The following SH3GL2 variants were observed in gnomAD, a reference collection of about 807,000 sequenced individuals.
SH3GL2 encodes endophilin-A1.
In SH3GL2, 24 loss-of-function variants were observed where a neutral mutation model predicts 46.0. That is an observed-to-expected ratio of 0.52 (90% CI 0.38 to 0.73). The LOEUF (loss-of-function observed/expected upper bound fraction) is 0.73. Among genes scored for constraint, SH3GL2 ranks in the 30% least tolerant of loss-of-function variants. The pLI is 0.00. For synonymous variants in SH3GL2, 196 were observed against 147.1 expected, an observed-to-expected ratio of 1.33 and a Z score of -2.40; for missense variants, 413 against 424.2, an observed-to-expected ratio of 0.97 and a Z score of 0.23.
At chr9:17,638,277 C>T (rs1003641329) in intron 1 of SH3GL2, among the ~76,000 whole-genome samples, 2 of 152,184 alleles carry the variant, frequency 1.3e-5, no homozygotes, top group Non-Finnish European at 2.9e-5. Context: ...TCAAAAAAGT[C>T]CTATTTCGTT....
intron 1 of SH3GL2, among the ~76,000 whole-genome samples, chr9:17,591,827 T>C (rs1375690805): frequency 6.6e-6 from 1 of 152,206 alleles, no homozygotes; most frequent in Non-Finnish European, 1.5e-5. Flanking sequence ...CAGGTGAACG[T>C]AGGCATTTTC....
chr9:17,717,846 C>T (rs1435258842), intron 1 of SH3GL2, among the ~76,000 whole-genome samples: 1 of 152,076 alleles, frequency 6.6e-6, no homozygotes, highest in East Asian at 1.9e-4. Flanking sequence ...GCAGCTGCTC[C>T]ATACCCATTA....
chr9:17,628,633 C>A (rs972604484), intron 1 of SH3GL2, among the ~76,000 whole-genome samples: 4 of 151,728 alleles, frequency 2.6e-5, no homozygotes, highest in Admixed American at 2.6e-4. Context: ...GCTTTTTTTT[C>A]TTCTTTTTAA....
chr9:17,611,028 C>T (rs1426550566), intron 1 of SH3GL2, among the ~76,000 whole-genome samples: 1 of 152,128 alleles, frequency 6.6e-6, no homozygotes, highest in African/African-American at 2.4e-5. Flanking sequence ...TGACAATTAA[C>T]TGGATTTTTC....
intron 1 of SH3GL2, among the ~76,000 whole-genome samples, chr9:17,725,290 C>T (rs1402950954): frequency 6.6e-6 from 1 of 152,064 alleles, no homozygotes; most frequent in East Asian, 1.9e-4. Flanking sequence ...GGTGTGCATT[C>T]CAGGGCATGT....
At chr9:17,722,935 C>G (rs775291107) in intron 1 of SH3GL2, among the ~76,000 whole-genome samples, 8 of 152,120 alleles carry the variant, frequency 5.3e-5, no homozygotes, top group African/African-American at 1.9e-4. Flanking sequence ...CACTGCTGAT[C>G]CTTTCTCTCA....
rs984720835 is a variant in SH3GL2, at chr9:17,701,260, A to G, written c.46-45806A>G. Among the ~76,000 whole-genome samples the G allele has an allele frequency of 3.9e-5, 6 of 152,306 alleles. No homozygotes were observed. The East Asian group carries it at 1.2e-3, about 29-fold the overall frequency. Reference sequence around the variant, plus strand: ...AGTTGAAAATCTCTTGCTACAAAATACTTAGAAATGATGGATAAAACAAAA... The same window carrying G: ...AGTTGAAAATCTCTTGCTACAAAATGCTTAGAAATGATGGATAAAACAAAA... On this transcript the variant is annotated intron_variant, in intron 1 of 8. Coordinates refer to ENST00000380607, the MANE Select transcript of SH3GL2 (RefSeq NM_003026.5).
rs139561767 is a variant in SH3GL2, at chr9:17,793,474, A to T, written c.836A>T (p.His279Leu). Residue 279 changes from histidine to leucine, a missense_variant, in exon 8 of 9, where the codon CAC (histidine) becomes CTC (leucine). Transcript: ENST00000380607. Reference protein sequence around the residue: ...DSTQPNGGLSHTGTPKPSGVQ... With the variant: ...DSTQPNGGLSLTGTPKPSGVQ... ...ACTCAGCCCAATGGGGGTCTCTCCC[A>T]CACAGGCACTCCCAAACCTTCAGGT... is the stretch of plus-strand genomic sequence containing the variant. The T allele has an allele frequency of 1.5e-5, 24 of 1,613,070 alleles. No individual in the cohort carries two copies. The highest frequency in any genetic ancestry group is 1.1e-4 in the African/African-American group (8 of 74,866).
chr9:17,775,537 T>A (rs1369169697), intron 3 of SH3GL2, among the ~76,000 whole-genome samples: 1 of 152,172 alleles, frequency 6.6e-6, no homozygotes, highest in Admixed American at 6.5e-5. Flanking sequence ...TGGTCTTCAG[T>A]TTTTCAGGTA....
At chr9:17,586,078 C>T (rs1818372805) in intron 1 of SH3GL2, among the ~76,000 whole-genome samples, 1 of 152,118 alleles carries the variant, frequency 6.6e-6, no homozygotes, top group Non-Finnish European at 1.5e-5. Context: ...TGCATTCTAC[C>T]AACAAAATAT....
intron 1 of SH3GL2, among the ~76,000 whole-genome samples, chr9:17,724,680 C>T (rs574310922): frequency 6.6e-6 from 1 of 152,142 alleles, no homozygotes; most frequent in African/African-American, 2.4e-5. Context: ...TATTGATCCT[C>T]TCCCTCTTCT....
intron 1 of SH3GL2, among the ~76,000 whole-genome samples, chr9:17,621,967 A>C (rs1555422): frequency 0.21 from 32,422 of 152,060 alleles, 3,897 homozygotes; most frequent in South Asian, 0.31. Flanking sequence ...TCCACAGTGA[A>C]TGTTCCTAGT....
chr9:17,770,325 C>T (rs1302660894), intron 3 of SH3GL2, among the ~76,000 whole-genome samples: 2 of 152,146 alleles, frequency 1.3e-5, no homozygotes, highest in East Asian at 1.9e-4. Context: ...CCGAACTATA[C>T]AACAGAACAG....
chr9:17,626,201 A>G (rs548967081), intron 1 of SH3GL2, among the ~76,000 whole-genome samples: 1 of 152,234 alleles, frequency 6.6e-6, no homozygotes, highest in East Asian at 1.9e-4. Context: ...TCTGACCTCC[A>G]CCTGGCACCT....
chr9:17,694,278 G>A (rs527644240), intron 1 of SH3GL2, among the ~76,000 whole-genome samples: 42 of 152,012 alleles, frequency 2.8e-4, no homozygotes, highest in Non-Finnish European at 5.6e-4. Context: ...AAGGTGAACC[G>A]GAAGCAAGCA....
At chr9:17,611,412 G>T (rs924285423) in intron 1 of SH3GL2, among the ~76,000 whole-genome samples, 3 of 151,924 alleles carry the variant, frequency 2.0e-5, no homozygotes, top group African/African-American at 7.3e-5. Flanking sequence ...ACTTATCCTT[G>T]GGGCATTACA....
At chr9:17,644,131 A>G (rs1188546452) in intron 1 of SH3GL2, among the ~76,000 whole-genome samples, 1 of 152,060 alleles carries the variant, frequency 6.6e-6, no homozygotes, top group Non-Finnish European at 1.5e-5. Context: ...AGAGATGTTT[A>G]TAGTATTCTC....
At chr9:17,747,026 A>G in intron 1 of SH3GL2, 40 bp from the exon 2 acceptor site, 1 of 1,348,524 alleles carries the variant, frequency 7.4e-7, no homozygotes, top group Non-Finnish European at 1.0e-6. Context: ...TTTTAAAGAA[A>G]CTGTTTATAA....
At chr9:17,776,737 A>C (rs1052957905) in intron 3 of SH3GL2, among the ~76,000 whole-genome samples, 1 of 151,322 alleles carries the variant, frequency 6.6e-6, no homozygotes, top group Non-Finnish European at 1.5e-5. Flanking sequence ...ATTGAAGTGC[A>C]ATAAAACTTG....
Sources: gnomAD v4.1 joint callset for allele counts (sites outside exome capture counted in the v4.1 genomes callset) on GRCh38, gnomAD v4.1.1 for gene constraint, MANE v1.5 for transcripts, NCBI Gene and HGNC (gene_info 2026-07-23, HGNC 2026-07-21) for gene names.